The following ZFAND2A variants were observed in gnomAD, a reference collection of about 807,000 sequenced individuals.
ZFAND2A encodes zinc finger AN1-type containing 2A.
Under a neutral mutation model 11.6 loss-of-function variants are expected in ZFAND2A, and 20 were observed. That is an observed-to-expected ratio of 1.72 (90% CI 1.21 to 2.50). The LOEUF (loss-of-function observed/expected upper bound fraction) is 2.50, where lower values mean the gene tolerates loss of function less well. Ranked by LOEUF, ZFAND2A falls within the 30% of genes most tolerant of loss-of-function variation. ZFAND2A has a pLI of 0.00. For missense variants in ZFAND2A, 234 were observed against 182.9 expected (o/e 1.28, Z -1.61); for synonymous variants, 93 against 60.6 (o/e 1.54, Z -2.48).
chr7:1,157,845 G>T, intron 2 of ZFAND2A, 95 bp from the exon 3 acceptor site: 5 of 1,026,726 alleles, frequency 4.9e-6, no homozygotes, highest in Non-Finnish European at 7.0e-6. Context: ...AGTGTTTTAG[G>T]CCTATGAGAT....
chr7:1,155,498 G>A lies in ZFAND2A; in HGVS notation c.237C>T (p.His79=), dbSNP rs757759263. 39 of 1,613,802 alleles carry A rather than the reference G, an allele frequency of 2.4e-5. No individual in the cohort carries two copies. Among genetic ancestry groups the A allele is most frequent in the Non-Finnish European group, 3.3e-5 (39 of 1,179,894 alleles). The change falls in exon 4 of 5, where the codon CAC becomes CAT. Residue 79 remains histidine (H), a synonymous_variant. Coordinates refer to ENST00000316495, the MANE Select transcript of ZFAND2A (RefSeq NM_182491.4). ...GGTGAGAGTCACAGTCTCTGTCAAT[G>A]TGATCACCAACCACCACGTCTGGTA... is the stretch of plus-strand genomic sequence containing the variant. ...GQIPDVVVGD[H]IDRDCDSHPG...
chr7:1,154,391 G>A (rs1399399951), intron 4 of ZFAND2A, among the ~76,000 whole-genome samples: 9 of 152,154 alleles, frequency 5.9e-5, no homozygotes, highest in Non-Finnish European at 1.3e-4. Context: ...CACAGGGCGT[G>A]CCCACCAAAA....
rs1389252923 is a variant in ZFAND2A, at chr7:1,155,529, C to A, written c.206G>T (p.Gly69Val). The change falls in exon 4 of 5, where the codon GGC (glycine) becomes GTC (valine). Residue 69 changes from glycine to valine, a missense_variant. Coordinates refer to ENST00000316495, the MANE Select transcript of ZFAND2A (RefSeq NM_182491.4). ...ACCAACCACCACGTCTGGTATCTGG[C>A]CCTTTTTTACTGGGATGGGGGTATT... ...LCNTPIPVKKGQIPDVVVGDH... is the reference protein window; with the variant it reads ...LCNTPIPVKKVQIPDVVVGDH... The A allele has an allele frequency of 6.2e-7, 1 of 1,613,858 alleles. No individual in the cohort carries two copies. Among genetic ancestry groups the A allele is most frequent in the Non-Finnish European group, 8.5e-7 (1 of 1,179,872 alleles).
rs1057377726 is a variant in ZFAND2A at position 1,160,059 on chromosome 7, A to C, written c.-141T>G. 3 of 153,270 alleles carry C rather than the reference A, an allele frequency of 2.0e-5. No homozygotes were observed. Among genetic ancestry groups the C allele is most frequent in the Non-Finnish European group, 2.9e-5 (2 of 68,422 alleles). 9.5% of individuals were successfully genotyped at this position (153,270 alleles called of 1,614,324 possible). A position where few individuals can be genotyped will look rare whatever the true frequency, so the allele number is the denominator to read the frequency against. On this transcript the variant is annotated 5_prime_UTR_variant, in exon 1 of 5. It introduces an in-frame stop codon into an upstream open reading frame of the 5' UTR. Transcript: ENST00000316495. ...CCTCCGTAGTCGGCTCCGGGTAGCT[A>C]AGCAGAAAGAACCTCGACACTGGCA...
chr7:1,155,859 C>T (rs576169311), intron 3 of ZFAND2A, among the ~76,000 whole-genome samples: 1 of 152,220 alleles, frequency 6.6e-6, no homozygotes, highest in Non-Finnish European at 1.5e-5. Flanking sequence ...AGGCTGGCAC[C>T]GCCCAGGTGA....
intron 1 of ZFAND2A, among the ~76,000 whole-genome samples, chr7:1,159,071 GC>G (rs1793607517): frequency 6.6e-6 from 1 of 152,074 alleles, no homozygotes; most frequent in Non-Finnish European, 1.5e-5. Context: ...TCAGTTTAAA[GC>G]CATTCCCACC....
rs115454024 is a variant in ZFAND2A at position 1,155,304 on chromosome 7, G to A, written c.282+149C>T. On this transcript the variant is annotated intron_variant, in intron 4 of 4. Transcript: ENST00000316495. Reference sequence around the variant, plus strand: ...AAACTGAAAACTCAGGCCCCTCGCAGTTTAGGACAGGGATAACGCAGCGTT... The same window carrying A: ...AAACTGAAAACTCAGGCCCCTCGCAATTTAGGACAGGGATAACGCAGCGTT... 2.1e-4 allele frequency: 244 copies of A among 1,148,838 alleles called. 1 individual carries two copies. In the African/African-American group the frequency reaches 3.2e-3, roughly 15 times the overall value. 71.2% of individuals were successfully genotyped at this position (1,148,838 alleles called of 1,614,324 possible). A position where few individuals can be genotyped will look rare whatever the true frequency, so the allele number is the denominator to read the frequency against.
chr7:1,152,189 T>C (rs1165372447), downstream of ZFAND2A: 6 of 1,512,770 alleles, frequency 4.0e-6, no homozygotes, highest in Non-Finnish European at 5.3e-6. Flanking sequence ...AACCTTTCCG[T>C]GTTCACCAAC....
downstream of ZFAND2A, chr7:1,152,888 G>A (rs1373910532): frequency 1.1e-6 from 1 of 930,826 alleles, no homozygotes; most frequent in Non-Finnish European, 1.7e-6. Flanking sequence ...GCAGCAGTGG[G>A]CAATGAGAAC....
At chr7:1,157,514 G>T (rs138446886) in intron 3 of ZFAND2A, 142 bp downstream of exon 3, 6 of 766,588 alleles carry the variant, frequency 7.8e-6, no homozygotes, top group Non-Finnish European at 1.0e-5. Context: ...CACCTGAAAC[G>T]AGGCTAGTGG....
chr7:1,158,390 A>G, intron 1 of ZFAND2A, 133 bp from the exon 2 acceptor site: 1 of 602,220 alleles, frequency 1.7e-6, no homozygotes, highest in Non-Finnish European at 2.9e-6. Flanking sequence ...TTTAGTACAA[A>G]TACCAGGTGT....
downstream of ZFAND2A, chr7:1,152,249 G>C: frequency 6.4e-7 from 1 of 1,572,032 alleles, no homozygotes; most frequent in Non-Finnish European, 8.6e-7. Flanking sequence ...CATGAGCCGG[G>C]TGAACCAGTA....
chr7:1,153,387 G>T, intron 4 of ZFAND2A, 163 bp from the exon 5 acceptor site: 1 of 696,562 alleles, frequency 1.4e-6, no homozygotes, highest in Non-Finnish European at 2.3e-6. Flanking sequence ...GGTACTACAG[G>T]CACACACCGC....
downstream of ZFAND2A, among the ~76,000 whole-genome samples, chr7:1,150,162 AAAAG>A (rs992201962): frequency 1.0e-3 from 158 of 152,288 alleles, 1 homozygote; most frequent in African/African-American, 3.6e-3. Context: ...GATTAAAAAA[AAAAG>A]ATATAGTGAA....
downstream of ZFAND2A, among the ~76,000 whole-genome samples, chr7:1,150,887 C>CTTTTTTTTTTTTTTTTTTTT (rs10568309): frequency 4.7e-5 from 6 of 128,102 alleles, no homozygotes; most frequent in Non-Finnish European, 9.7e-5. Flanking sequence ...ACAACTGTGC[C>CTTTTTTTTTTTTTTTTTTTT]TTTTTTTTTT....
chr7:1,154,612 G>T (rs1033050449), intron 4 of ZFAND2A, among the ~76,000 whole-genome samples: 2 of 152,252 alleles, frequency 1.3e-5, no homozygotes, highest in Admixed American at 1.3e-4. Context: ...GACAGGGCCA[G>T]AAAGTGGGGA....
rs767260297 is a variant in ZFAND2A, at chr7:1,157,752, T to TA, written c.56-3dup. 1.4e-4 allele frequency: 218 copies of TA among 1,545,544 alleles called. No homozygotes were observed. Among genetic ancestry groups the TA allele is most frequent in the Admixed American group, 3.0e-4 (13 of 42,866 alleles). ...CATCACATTTTACTGGAAGAAAATC[T>TA]AAAAAACAAAAAACAGGGAAGTGTT... On this transcript the variant is annotated splice_polypyrimidine_tract_variant and splice_region_variant and intron_variant, in intron 2 of 4. Coordinates refer to ENST00000316495, the MANE Select transcript of ZFAND2A (RefSeq NM_182491.4).
chr7:1,154,891 G>A (rs113630037), intron 4 of ZFAND2A, among the ~76,000 whole-genome samples: 3,741 of 152,186 alleles, frequency 0.025, 57 homozygotes, highest in Non-Finnish European at 0.03. Context: ...AGGCTGAGGC[G>A]GGCAGATCAT....
At chr7:1,157,502 G>T in intron 3 of ZFAND2A, 154 bp downstream of exon 3, 1 of 675,814 alleles carries the variant, frequency 1.5e-6, no homozygotes, top group Non-Finnish European at 2.5e-6. Flanking sequence ...CCTAACAGCA[G>T]GCACCTGAAA....
Sources: gnomAD v4.1 joint callset for allele counts (sites outside exome capture counted in the v4.1 genomes callset) on GRCh38, gnomAD v4.1.1 for gene constraint, MANE v1.5 for transcripts, NCBI Gene and HGNC (gene_info 2026-07-23, HGNC 2026-07-21) for gene names.